The following CDA variants were observed in gnomAD, a reference collection of about 807,000 sequenced individuals.
The protein encoded by CDA is cytidine aminohydrolase.
Under a neutral mutation model 15.0 loss-of-function variants are expected in CDA, and 7 were observed. That is an observed-to-expected ratio of 0.47 (90% CI 0.26 to 0.87). The LOEUF (loss-of-function observed/expected upper bound fraction) is 0.87, where lower values mean the gene tolerates loss of function less well. Among genes scored for constraint, CDA ranks in the 40% least tolerant of loss-of-function variants. The probability of loss-of-function intolerance (pLI) is 0.15; values close to 1 mark genes in which losing one functional copy is unlikely to be tolerated. For missense variants in CDA, 159 were observed against 182.7 expected, an observed-to-expected ratio of 0.87 and a Z score of 0.75; for synonymous variants, 58 against 73.0, an observed-to-expected ratio of 0.79 and a Z score of 1.05.
In CDA at chr1:20,618,724, T is replaced by A. The variant is rs2052844823; in HGVS notation, c.*156T>A. 4 of 661,948 alleles carry A rather than the reference T, an allele frequency of 6.0e-6. No homozygotes were observed. In the Admixed American group the frequency reaches 8.4e-5, roughly 14 times the overall value. The allele number at this position is 661,948 out of a possible 1,614,324, so 41.0% of individuals were successfully genotyped here. ...ACACTCCAGCCTGAGTCAGCACCCC[T>A]CCTAGCAACCTGCCTTGGGACTTAG... On this transcript the variant is annotated 3_prime_UTR_variant, in exon 4 of 4. Coordinates refer to ENST00000375071, the MANE Select transcript of CDA (RefSeq NM_001785.3).
At chr1:20,596,629 A>G (rs2052593504) in intron 1 of CDA, among the ~76,000 whole-genome samples, 2 of 152,104 alleles carry the variant, frequency 1.3e-5, no homozygotes, top group South Asian at 2.1e-4. Flanking sequence ...TGAGTGTGAG[A>G]ATACTGCTTT....
At chr1:20,592,919 G>A (rs906581412) in intron 1 of CDA, among the ~76,000 whole-genome samples, 1 of 152,070 alleles carries the variant, frequency 6.6e-6, no homozygotes, top group African/African-American at 2.4e-5. Flanking sequence ...ATGGCAAGAC[G>A]TCGTGTCTAC....
chr1:20,611,745 A>G (rs1459400442), intron 2 of CDA, among the ~76,000 whole-genome samples: 3 of 152,210 alleles, frequency 2.0e-5, no homozygotes, highest in Non-Finnish European at 4.4e-5. Flanking sequence ...GTAGGAGCCT[A>G]AACTCTCACA....
chr1:20,614,110 T>C (rs2052781750), intron 3 of CDA, among the ~76,000 whole-genome samples: 1 of 152,120 alleles, frequency 6.6e-6, no homozygotes, highest in Admixed American at 6.5e-5. Flanking sequence ...ACCGAGTGAG[T>C]GTCTGCTTTG....
chr1:20,600,961 T>G (rs1045347361), intron 1 of CDA, among the ~76,000 whole-genome samples: 1 of 152,146 alleles, frequency 6.6e-6, no homozygotes, highest in African/African-American at 2.4e-5. Context: ...CTCTCAGGGT[T>G]GCAACTTCCT....
At chr1:20,595,762 C>A (rs1478995434) in intron 1 of CDA, among the ~76,000 whole-genome samples, 1 of 150,962 alleles carries the variant, frequency 6.6e-6, no homozygotes. Flanking sequence ...ATGGCCTGAG[C>A]CCCGGTGGTG....
chr1:20,612,463 C>T (rs1487631053), intron 2 of CDA, among the ~76,000 whole-genome samples: 2 of 152,006 alleles, frequency 1.3e-5, no homozygotes, highest in African/African-American at 2.4e-5. Context: ...CCCCCACCAC[C>T]GACAATGAGT....
chr1:20,610,269 T>TATTTTA (rs35770611), intron 2 of CDA, among the ~76,000 whole-genome samples: 1 of 123,378 alleles, frequency 8.1e-6, no homozygotes, highest in South Asian at 2.5e-4. Flanking sequence ...ATCTTTTTTT[T>TATTTTA]TTTTATTTTA....
At chr1:20,613,384 T>C (rs1423568446) in intron 2 of CDA, among the ~76,000 whole-genome samples, 1 of 152,158 alleles carries the variant, frequency 6.6e-6, no homozygotes, top group East Asian at 1.9e-4. Flanking sequence ...TTTGTATTTT[T>C]AGTAAAGACG....
intron 3 of CDA, among the ~76,000 whole-genome samples, chr1:20,617,079 C>A (rs1391816420): frequency 6.6e-6 from 1 of 152,184 alleles, no homozygotes; most frequent in Non-Finnish European, 1.5e-5. Context: ...ACCCCACCTC[C>A]AGGGCTCTTG....
In CDA at chr1:20,606,132, C is replaced by A. The variant is rs1302009218; in HGVS notation, c.266+1093C>A. On this transcript the variant is annotated intron_variant, in intron 2 of 3. Transcript: ENST00000375071. ...ACTCAAGGAGAAGGGCTCCAGTATC[C>A]GATAGCCTTCCCTGTCACCGAGGTG... 2.4e-5 allele frequency among the ~76,000 whole-genome samples: 3 copies of A among 123,946 alleles called. 1 individual carries two copies. The highest frequency in any genetic ancestry group is 5.4e-5 in the Non-Finnish European group (3 of 56,026). The allele number at this position is 123,946 out of a possible 152,430, so 81.3% of individuals were successfully genotyped here. A position where few individuals can be genotyped will look rare whatever the true frequency, so the allele number is the denominator to read the frequency against.
intron 3 of CDA, among the ~76,000 whole-genome samples, chr1:20,616,298 G>A (rs773307746): frequency 1.8e-4 from 27 of 152,274 alleles, no homozygotes; most frequent in Non-Finnish European, 2.6e-4. Flanking sequence ...TGCTTGTACC[G>A]TGGGAGTTTC....
intron 3 of CDA, 54 bp downstream of exon 3, chr1:20,613,953 A>G (rs1315563574): frequency 1.3e-6 from 2 of 1,545,920 alleles, no homozygotes; most frequent in East Asian, 4.5e-5. Flanking sequence ...GTCGCAGGCT[A>G]TGGGAGCCAC....
At chr1:20,594,515 C>T (rs1352755898) in intron 1 of CDA, among the ~76,000 whole-genome samples, 3 of 151,834 alleles carry the variant, frequency 2.0e-5, no homozygotes, top group Non-Finnish European at 2.9e-5. Context: ...GGGCCAGGCG[C>T]GGTGGCTCAT....
intron 2 of CDA, among the ~76,000 whole-genome samples, chr1:20,612,282 A>G (rs2052758791): frequency 6.6e-6 from 1 of 152,142 alleles, no homozygotes. Context: ...CCATTCTGAC[A>G]TCTTGATGTC....
intron 1 of CDA, among the ~76,000 whole-genome samples, chr1:20,596,756 C>CT (rs61288769): frequency 0.18 from 18,541 of 100,912 alleles, 2,231 homozygotes; most frequent in Non-Finnish European, 0.23. Context: ...CTGTTGATGT[C>CT]TTTTTTTTTT....
At chr1:20,599,668 A>AT (rs2052624266) in intron 1 of CDA, among the ~76,000 whole-genome samples, 6 of 150,746 alleles carry the variant, frequency 4.0e-5, no homozygotes, top group African/African-American at 1.5e-4. Context: ...AAAATAAAAT[A>AT]AAAATAAAGG....
chr1:20,594,110 A>T (rs995796002), intron 1 of CDA, among the ~76,000 whole-genome samples: 3 of 152,222 alleles, frequency 2.0e-5, no homozygotes, highest in African/African-American at 7.2e-5. Context: ...GACTTTCTCC[A>T]GCTAAACACA....
chr1:20,608,485 C>T (rs1273482858), intron 2 of CDA, among the ~76,000 whole-genome samples: 1 of 149,992 alleles, frequency 6.7e-6, no homozygotes, highest in Non-Finnish European at 1.5e-5. Flanking sequence ...TTTCGGCTCA[C>T]TGCAACCTCC....
Sources: allele counts gnomAD v4.1 joint callset (sites outside exome capture counted in the v4.1 genomes callset), GRCh38; gene constraint gnomAD v4.1.1; transcripts MANE v1.5; gene names NCBI Gene and HGNC (gene_info 2026-07-23, HGNC 2026-07-21).